The following IHO1 variants were observed in gnomAD, a reference collection of about 807,000 sequenced individuals.
IHO1 encodes the protein interactor of HORMAD1 1.
IHO1 carries 13 observed loss-of-function variants against 31.0 expected under a neutral mutation model. The observed-to-expected ratio is 0.42, with a 90% CI of 0.27 to 0.67. IHO1 has a LOEUF of 0.67. Among genes scored for constraint, IHO1 ranks in the 30% least tolerant of loss-of-function variants. The probability of loss-of-function intolerance (pLI) is 0.24; values close to 1 mark genes in which losing one functional copy is unlikely to be tolerated. For missense variants in IHO1, 599 were observed against 687.5 expected, an observed-to-expected ratio of 0.87 and a Z score of 1.44; for synonymous variants, 221 against 248.4, an observed-to-expected ratio of 0.89 and a Z score of 1.04.
upstream of IHO1, among the ~76,000 whole-genome samples, chr3:49,196,155 C>G (rs554452631): frequency 1.4e-5 from 2 of 147,230 alleles, no homozygotes; most frequent in Non-Finnish European, 3.0e-5. Context: ...GGCATGAACC[C>G]GAGAGGCAGA....
At chr3:49,217,921 T>C (rs187834806) in intron 2 of IHO1, among the ~76,000 whole-genome samples, 1 of 152,330 alleles carries the variant, frequency 6.6e-6, no homozygotes, top group East Asian at 1.9e-4. Flanking sequence ...GCAACATGAC[T>C]GTCAGTTCCC....
At chr3:49,254,270 CA>C (rs372292396) in intron 6 of IHO1, among the ~76,000 whole-genome samples, 16 of 152,216 alleles carry the variant, frequency 1.1e-4, no homozygotes, top group African/African-American at 3.9e-4. Flanking sequence ...TAAATTGCAA[CA>C]CAATGTGTCA....
In IHO1 at chr3:49,215,907, T is replaced by G. The variant is rs80051437; in HGVS notation, c.56+4071T>G. Among the ~76,000 whole-genome samples the G allele has an allele frequency of 4.8e-3, 731 of 152,322 alleles. 8 individuals are homozygous for G. Among genetic ancestry groups the G allele is most frequent in the African/African-American group, 0.017 (689 of 41,572 alleles). On this transcript the variant is annotated intron_variant, in intron 2 of 7. Coordinates refer to ENST00000452691, the MANE Select transcript of IHO1 (RefSeq NM_001135197.2). The stretch of plus-strand genomic sequence containing the variant: ...CAGGAGAAGGGTCAATTTCTACATT[T>G]ATCCAAAAACAACTGTCTATGGGAC...
At chr3:49,250,567 A>C (rs2046748424) in intron 6 of IHO1, among the ~76,000 whole-genome samples, 1 of 152,238 alleles carries the variant, frequency 6.6e-6, no homozygotes, top group South Asian at 2.1e-4. Flanking sequence ...TGGAAGGATA[A>C]TTACATTTGC....
intron 4 of IHO1, 147 bp downstream of exon 4, chr3:49,241,536 C>CAT: frequency 1.8e-6 from 1 of 565,920 alleles, no homozygotes; most frequent in Non-Finnish European, 3.1e-6. Context: ...CTTACACACA[C>CAT]ATACACACAC....
At chr3:49,246,509 G>A (rs900503674) in intron 6 of IHO1, among the ~76,000 whole-genome samples, 4 of 151,924 alleles carry the variant, frequency 2.6e-5, no homozygotes, top group South Asian at 2.1e-4. Context: ...TTAGCCAGGC[G>A]TGGTGGCAGA....
At chr3:49,191,604 G>A in the IHO1 span, 1 of 891,356 alleles carries the variant, frequency 1.1e-6, no homozygotes, top group Non-Finnish European at 1.9e-6. Context: ...TCAAGATGGT[G>A]GAGAGGAAGT....
rs1386157976 is a variant in IHO1 at position 49,234,173 on chromosome 3, T to TTG, written c.57-2374_57-2373insGT. Among the ~76,000 whole-genome samples the TTG allele has an allele frequency of 1.4e-4, 20 of 146,962 alleles. No homozygotes were observed. The East Asian group carries it at 3.4e-3, about 25-fold the overall frequency. ...TGTCTTTTGTTGTTGTTTTTTTTTT[T>TTG]TTTTTTTTTTTGGTTTTTTTGACGG... On this transcript the variant is annotated intron_variant, in intron 2 of 7. Transcript: ENST00000452691.
chr3:49,244,835 G>T, intron 6 of IHO1, 102 bp downstream of exon 6: 1 of 994,082 alleles, frequency 1.0e-6, no homozygotes, highest in Middle Eastern at 2.0e-4. Context: ...TTCCTCACAG[G>T]GTTTCAGATG....
chr3:49,239,743 A>G (rs1484155018), intron 3 of IHO1, among the ~76,000 whole-genome samples: 1 of 148,498 alleles, frequency 6.7e-6, no homozygotes, highest in African/African-American at 2.5e-5. Flanking sequence ...GCTCACCACA[A>G]CCTCTGCCTT....
At chr3:49,196,777 TCTC>T (rs1249279959), upstream of IHO1, among the ~76,000 whole-genome samples, 1 of 150,798 alleles carries the variant, frequency 6.6e-6, no homozygotes, top group Non-Finnish European at 1.5e-5. Context: ...TTCACGCCAT[TCTC>T]CTGCCTCAGC....
chr3:49,257,768 T>A lies in IHO1; in HGVS notation c.*486T>A, dbSNP rs1285866894. The A allele has an allele frequency of 6.3e-6, 1 of 157,636 alleles. No homozygotes were observed. The highest frequency in any genetic ancestry group is 2.4e-5 in the African/African-American group (1 of 41,490). The allele number at this position is 157,636 out of a possible 1,614,324, so 9.8% of individuals were successfully genotyped here. On this transcript the variant is annotated 3_prime_UTR_variant, in exon 8 of 8. Transcript: ENST00000452691. The stretch of plus-strand genomic sequence containing the variant: ...TAGCCACTTATGCTACCAGAATGTT[T>A]GCATTTTTTGATCAGTAGACATATT...
Position 49,257,255 on chromosome 3 carries a change from T to C in IHO1, c.1758T>C (p.Phe586=). 6.2e-7 allele frequency: 1 copy of C among 1,614,004 alleles called. No individual in the cohort carries two copies. The highest frequency in any genetic ancestry group is 1.1e-5 in the South Asian group (1 of 91,058). The change falls in exon 8 of 8, where the codon TTT becomes TTC. Residue 586 remains phenylalanine, a synonymous_variant. Coordinates refer to ENST00000452691, the MANE Select transcript of IHO1 (RefSeq NM_001135197.2). ...AGKNLLYDLG[F]DSSDDDGF is the part of the protein sequence containing the mutation. ...AGAATTTGCTCTATGACCTGGGTTT[T>C]GATAGCAGTGATGATGATGGCTTCT...
chr3:49,211,727 C>A, intron 1 of IHO1, 39 bp from the exon 2 acceptor site: 1 of 983,434 alleles, frequency 1.0e-6, no homozygotes, highest in South Asian at 1.4e-5. Context: ...AAAAATTATA[C>A]TGTTAACTTT....
chr3:49,213,798 C>T (rs1373376725), intron 2 of IHO1: 2 of 184,660 alleles, frequency 1.1e-5, no homozygotes, highest in East Asian at 3.0e-4. Flanking sequence ...GCATGCGCAG[C>T]CCTGGTTTCT....
chr3:49,233,796 G>T (rs1052531220), intron 2 of IHO1, among the ~76,000 whole-genome samples: 2 of 152,178 alleles, frequency 1.3e-5, no homozygotes, highest in African/African-American at 2.4e-5. Flanking sequence ...TGATGCCCAT[G>T]CTGAAGGTTG....
chr3:49,195,918 G>C (rs1391517168), upstream of IHO1, among the ~76,000 whole-genome samples: 3 of 150,888 alleles, frequency 2.0e-5, no homozygotes, highest in Non-Finnish European at 4.4e-5. Context: ...GGCTAACACA[G>C]TGAAACCCCA....
chr3:49,194,150 C>A (rs1368799721), upstream of IHO1, among the ~76,000 whole-genome samples: 1 of 149,850 alleles, frequency 6.7e-6, no homozygotes, highest in Non-Finnish European at 1.5e-5. Context: ...CACCTGTAAT[C>A]CCAGCTACTC....
chr3:49,236,368 A>C (rs73084137), intron 2 of IHO1, among the ~76,000 whole-genome samples, 180 bp from the exon 3 acceptor site: 1 of 152,336 alleles, frequency 6.6e-6, no homozygotes, highest in Non-Finnish European at 1.5e-5. Flanking sequence ...GATAGTAATA[A>C]AAATGTGTGG....
Sources: allele counts gnomAD v4.1 joint callset (sites outside exome capture counted in the v4.1 genomes callset), GRCh38; gene constraint gnomAD v4.1.1; transcripts MANE v1.5; gene names NCBI Gene and HGNC (gene_info 2026-07-23, HGNC 2026-07-21).